The following TLE4 variants were observed in gnomAD, a reference collection of about 807,000 sequenced individuals.
TLE4 encodes transducin-like enhancer protein 4.
A neutral mutation model predicts 92.8 loss-of-function variants in TLE4; 8 were observed. The observed-to-expected ratio is 0.09, with a 90% CI of 0.05 to 0.16. The LOEUF is 0.16. Among genes scored for constraint, TLE4 ranks in the 10% least tolerant of loss-of-function variants. The pLI is 1.00. For missense variants in TLE4, 675 were observed against 997.6 expected, an observed-to-expected ratio of 0.68 and a Z score of 4.36; for synonymous variants, 371 against 374.1, an observed-to-expected ratio of 0.99 and a Z score of 0.10.
chr9:79,641,889 A>C (rs930988035), intron 6 of TLE4, among the ~76,000 whole-genome samples: 2 of 151,972 alleles, frequency 1.3e-5, no homozygotes, highest in African/African-American at 4.8e-5. Flanking sequence ...GCGTTCTTCA[A>C]ATTGCAGCTC....
chr9:79,715,928 A>G (rs777326337), intron 14 of TLE4, among the ~76,000 whole-genome samples: 2 of 152,196 alleles, frequency 1.3e-5, no homozygotes, highest in African/African-American at 2.4e-5. Context: ...CCAGTCAGCC[A>G]GAGTGCTCCA....
chr9:79,673,891 C>G (rs1213077790), intron 8 of TLE4, among the ~76,000 whole-genome samples: 1 of 152,112 alleles, frequency 6.6e-6, no homozygotes, highest in Non-Finnish European at 1.5e-5. Context: ...TGATTCCAGT[C>G]ACGCCTCTCC....
intron 4 of TLE4, among the ~76,000 whole-genome samples, chr9:79,599,558 G>A (rs1030668093): frequency 6.6e-6 from 1 of 152,176 alleles, no homozygotes; most frequent in East Asian, 1.9e-4. Context: ...GGGTCCCAAA[G>A]TCAAAGAAGC....
chr9:79,691,519 A>G (rs1470246534), intron 8 of TLE4, among the ~76,000 whole-genome samples: 3 of 152,110 alleles, frequency 2.0e-5, no homozygotes, highest in African/African-American at 7.2e-5. Flanking sequence ...CCCTTAGAAT[A>G]AAACACACAC....
intron 6 of TLE4, among the ~76,000 whole-genome samples, chr9:79,628,788 G>A (rs982924160): frequency 4.0e-5 from 6 of 151,888 alleles, no homozygotes; most frequent in Non-Finnish European, 8.8e-5. Flanking sequence ...AATACATTTC[G>A]CAATTGGTTT....
intron 6 of TLE4, among the ~76,000 whole-genome samples, chr9:79,648,666 C>T (rs768276703): frequency 2.6e-5 from 4 of 152,120 alleles, no homozygotes; most frequent in Admixed American, 1.3e-4. Flanking sequence ...TGGTGAGTAT[C>T]GTGACAAGTA....
chr9:79,592,681 A>G (rs1208617803), intron 4 of TLE4, among the ~76,000 whole-genome samples: 1 of 152,202 alleles, frequency 6.6e-6, no homozygotes, highest in African/African-American at 2.4e-5. Context: ...TTTCGTCTGT[A>G]AAGGATTTTT....
intron 4 of TLE4, among the ~76,000 whole-genome samples, chr9:79,601,702 G>C (rs552146821): frequency 2.0e-5 from 3 of 152,026 alleles, no homozygotes; most frequent in East Asian, 1.9e-4. Context: ...CTCTCCTCAG[G>C]CTTCCCCATT....
intron 8 of TLE4, among the ~76,000 whole-genome samples, chr9:79,688,153 T>C (rs1467505813): frequency 6.6e-6 from 1 of 152,188 alleles, no homozygotes. Context: ...AAGGTCACAG[T>C]ATACTTCGTG....
chr9:79,654,558 C>T (rs1462291516), intron 8 of TLE4, among the ~76,000 whole-genome samples: 1 of 151,044 alleles, frequency 6.6e-6, no homozygotes, highest in East Asian at 1.9e-4. Flanking sequence ...ATTTTTTTCA[C>T]CAACTTTTCT....
intron 2 of TLE4, among the ~76,000 whole-genome samples, 200 bp from the exon 3 acceptor site, chr9:79,574,673 C>A (rs922224008): frequency 2.6e-5 from 4 of 152,046 alleles, no homozygotes; most frequent in Non-Finnish European, 5.9e-5. Flanking sequence ...AAACAAAAAA[C>A]CACATATATG....
chr9:79,722,633 A>G (rs1259035879), intron 18 of TLE4, 32 bp downstream of exon 18: 2 of 1,609,132 alleles, frequency 1.2e-6, no homozygotes, highest in African/African-American at 2.7e-5. Context: ...ATTTTCTGTC[A>G]ACCAGAATTG....
chr9:79,614,388 T>C (rs1216951895), intron 5 of TLE4, among the ~76,000 whole-genome samples: 1 of 152,114 alleles, frequency 6.6e-6, no homozygotes, highest in East Asian at 1.9e-4. Flanking sequence ...CTTGGGGATG[T>C]TGATGAAGCT....
intron 13 of TLE4, among the ~76,000 whole-genome samples, chr9:79,709,238 G>T (rs964909208): frequency 1.3e-5 from 2 of 152,026 alleles, no homozygotes; most frequent in African/African-American, 4.8e-5. Context: ...ATTTTCTTTT[G>T]TAAGGTGAAG....
chr9:79,573,694 G>A lies in TLE4; in HGVS notation c.51G>A (p.Pro17=), dbSNP rs1365027726. Residue 17 remains proline (P), a synonymous_variant, in exon 2 of 20, where the codon CCG becomes CCA. Coordinates refer to ENST00000376552, the MANE Select transcript of TLE4 (RefSeq NM_007005.6). ...KMYPQTRHPA[P]HQPAQPFKFT... is the part of the protein sequence containing the mutation. ...ATTTTATTGTTGTTCTTCAGGCACC[G>A]CATCAGCCTGCTCAACCCTTTAAAT... 6.3e-7 allele frequency: 1 copy of A among 1,598,028 alleles called. No individual in the cohort carries two copies.
At chr9:79,593,130 A>T (rs909931143) in intron 4 of TLE4, among the ~76,000 whole-genome samples, 5 of 152,220 alleles carry the variant, frequency 3.3e-5, no homozygotes, top group African/African-American at 1.2e-4. Flanking sequence ...GTTAAGATGA[A>T]ATTAAAAAGG....
intron 9 of TLE4, among the ~76,000 whole-genome samples, chr9:79,705,113 G>A (rs996834975): frequency 3.3e-5 from 5 of 152,170 alleles, no homozygotes; most frequent in African/African-American, 1.2e-4. Context: ...TGCTTCATTG[G>A]GCAGCTAACA....
At chr9:79,677,204 C>A (rs888247017) in intron 8 of TLE4, among the ~76,000 whole-genome samples, 1 of 152,098 alleles carries the variant, frequency 6.6e-6, no homozygotes, top group African/African-American at 2.4e-5. Context: ...GAGTGCCTGG[C>A]ATTTTACTCA....
At chr9:79,720,377 G>GGGGTGTGTGTGTGT in intron 16 of TLE4, 84 bp downstream of exon 16, 1 of 289,940 alleles carries the variant, frequency 3.4e-6, no homozygotes, top group Admixed American at 1.0e-4. Context: ...TATAGGTATG[G>GGGGTGTGTGTGTGT]GTGTGTGTGT....
Sources: allele counts gnomAD v4.1 joint callset (sites outside exome capture counted in the v4.1 genomes callset), GRCh38; gene constraint gnomAD v4.1.1; transcripts MANE v1.5; gene names NCBI Gene and HGNC (gene_info 2026-07-23, HGNC 2026-07-21).